MTHFD1L: variants seen among roughly 807,000 people sequenced by gnomAD.
MTHFD1L encodes the protein methylenetetrahydrofolate dehydrogenase (NADP+ dependent) 1 like.
MTHFD1L carries 81 observed loss-of-function variants against 119.5 expected under a neutral mutation model. The ratio of observed to expected loss-of-function variants is 0.68; its 90% CI spans 0.57 to 0.82. The LOEUF is 0.82. MTHFD1L is among the 40% of genes least tolerant of loss of function. The pLI is 0.00. For missense variants in MTHFD1L, 1,125 were observed against 1,253.4 expected (o/e 0.90, Z 1.55); for synonymous variants, 430 against 475.2 (o/e 0.90, Z 1.24).
rs897169163 is a variant in MTHFD1L, at chr6:151,069,227, G to A, written c.2848-23240G>A. On this transcript the variant is annotated intron_variant, in intron 26 of 27. Coordinates refer to ENST00000367321, the MANE Select transcript of MTHFD1L (RefSeq NM_015440.5). Reference sequence around the variant, plus strand: ...CATTCCAAAGTGACCACAGTCATAAGGCCCAAAACTATCTTCTCTCTCTTT... The same window carrying A: ...CATTCCAAAGTGACCACAGTCATAAAGCCCAAAACTATCTTCTCTCTCTTT... Among the ~76,000 whole-genome samples, 4 of 146,500 alleles carry A rather than the reference G, an allele frequency of 2.7e-5. No homozygotes were observed. In the Admixed American group the frequency reaches 2.8e-4, roughly 10 times the overall value.
chr6:151,037,319 T>G (rs1172748496), intron 26 of MTHFD1L, among the ~76,000 whole-genome samples: 1 of 152,228 alleles, frequency 6.6e-6, no homozygotes, highest in Admixed American at 6.5e-5. Context: ...TTTTAGATCA[T>G]GTGTTCAGGG....
intron 24 of MTHFD1L, among the ~76,000 whole-genome samples, chr6:151,033,777 A>T (rs1224600084): frequency 6.6e-6 from 1 of 152,204 alleles, no homozygotes; most frequent in African/African-American, 2.4e-5. Context: ...TCATGAAAAA[A>T]TACTTGTTTT....
chr6:150,978,364 AGAGG>A (rs1776947053), intron 20 of MTHFD1L, among the ~76,000 whole-genome samples: 1 of 152,168 alleles, frequency 6.6e-6, no homozygotes, highest in African/African-American at 2.4e-5. Context: ...ATCCTTATCC[AGAGG>A]TGCTTGTCAA....
chr6:151,017,750 CT>C (rs1282890468), intron 24 of MTHFD1L, among the ~76,000 whole-genome samples: 1 of 151,254 alleles, frequency 6.6e-6, no homozygotes, highest in Non-Finnish European at 1.5e-5. Context: ...CCCCTCACAG[CT>C]ATTGTAAGTA....
chr6:151,029,914 C>T (rs1785104364), intron 24 of MTHFD1L, among the ~76,000 whole-genome samples: 1 of 152,190 alleles, frequency 6.6e-6, no homozygotes, highest in Non-Finnish European at 1.5e-5. Context: ...AGAAAAATCA[C>T]ACTCTTTATT....
At chr6:151,052,131 C>A (rs76933627) in intron 26 of MTHFD1L, among the ~76,000 whole-genome samples, 1 of 152,278 alleles carries the variant, frequency 6.6e-6, no homozygotes, top group African/African-American at 2.4e-5. Context: ...GACTTCAAAC[C>A]GGCACGGCAG....
chr6:151,009,682 G>A (rs966519833), intron 20 of MTHFD1L, 137 bp from the exon 21 acceptor site: 7 of 1,016,346 alleles, frequency 6.9e-6, no homozygotes, highest in Admixed American at 2.2e-5. Context: ...TATGACAATG[G>A]GGAAATCAGT....
intron 26 of MTHFD1L, among the ~76,000 whole-genome samples, chr6:151,067,784 G>A (rs181117011): frequency 5.3e-4 from 81 of 152,316 alleles, no homozygotes; most frequent in Admixed American, 3.7e-3. Context: ...ACCCTGCCTC[G>A]CTGTATGGTT....
chr6:151,011,103 GA>G lies in MTHFD1L; in HGVS notation c.2265+1147del, dbSNP rs556792859. Among the ~76,000 whole-genome samples the G allele has an allele frequency of 1.6e-3, 246 of 152,330 alleles. 2 individuals carry two copies. Among genetic ancestry groups the G allele is most frequent in the Non-Finnish European group, 2.9e-3 (199 of 68,036 alleles). ...CCACCATGCAGAGCTGGATGTTAAT[GA>G]AGGGCAGAAGTTTTCTAAATCCAAA... On this transcript the variant is annotated intron_variant, in intron 21 of 27. Coordinates refer to ENST00000367321, the MANE Select transcript of MTHFD1L (RefSeq NM_015440.5).
intron 21 of MTHFD1L, among the ~76,000 whole-genome samples, chr6:151,011,916 G>T (rs540489530): frequency 6.7e-6 from 1 of 148,404 alleles, no homozygotes. Context: ...CAAGAGAATC[G>T]CTTGAACTTG....
intron 27 of MTHFD1L, among the ~76,000 whole-genome samples, chr6:151,097,874 A>G (rs1795019769): frequency 6.6e-6 from 1 of 152,180 alleles, no homozygotes; most frequent in Non-Finnish European, 1.5e-5. Context: ...TATATACCCC[A>G]TAAGAATATA....
intron 8 of MTHFD1L, among the ~76,000 whole-genome samples, chr6:150,910,741 A>G (rs1786745008): frequency 1.3e-5 from 2 of 152,240 alleles, no homozygotes; most frequent in African/African-American, 4.8e-5. Context: ...GTAGCTGCCA[A>G]TAAATGCTGG....
At chr6:150,951,702 T>G (rs964858725) in intron 16 of MTHFD1L, among the ~76,000 whole-genome samples, 2 of 152,202 alleles carry the variant, frequency 1.3e-5, no homozygotes, top group African/African-American at 4.8e-5. Flanking sequence ...AGCATTTTAT[T>G]GAGAAGCCTA....
chr6:150,893,791 CACA>C (rs1469252696), intron 7 of MTHFD1L, among the ~76,000 whole-genome samples: 2 of 152,204 alleles, frequency 1.3e-5, no homozygotes, highest in South Asian at 2.1e-4. Context: ...TCCAGTCCGG[CACA>C]ACATTTGTGT....
At chr6:150,953,446 T>C (rs1413058575) in intron 16 of MTHFD1L, among the ~76,000 whole-genome samples, 2 of 152,152 alleles carry the variant, frequency 1.3e-5, no homozygotes, top group African/African-American at 4.8e-5. Flanking sequence ...TCACTATATC[T>C]CTGTACAGCT....
intron 25 of MTHFD1L, among the ~76,000 whole-genome samples, chr6:151,036,583 A>T (rs1341956087): frequency 1.3e-5 from 2 of 152,218 alleles, no homozygotes; most frequent in Non-Finnish European, 2.9e-5. Context: ...CATGAGTAAG[A>T]GCCTCGTCGC....
intron 26 of MTHFD1L, among the ~76,000 whole-genome samples, chr6:151,074,540 T>C (rs1792307947): frequency 6.6e-6 from 1 of 152,194 alleles, no homozygotes; most frequent in South Asian, 2.1e-4. Context: ...CTATATGTGG[T>C]GTGGTAGTAT....
At chr6:150,888,512 A>G (rs11961847) in intron 7 of MTHFD1L, among the ~76,000 whole-genome samples, 4,259 of 152,358 alleles carry the variant, frequency 0.028, 191 homozygotes, top group African/African-American at 0.096. Flanking sequence ...TAAATCTAAT[A>G]TGCATTATGA....
At chr6:150,972,542 C>T (rs1306259648) in intron 20 of MTHFD1L, among the ~76,000 whole-genome samples, 7 of 152,136 alleles carry the variant, frequency 4.6e-5, no homozygotes, top group African/African-American at 1.7e-4. Context: ...CTCAGGAAGC[C>T]GAGGCAGGAG....
Sources: allele counts gnomAD v4.1 joint callset (sites outside exome capture counted in the v4.1 genomes callset), GRCh38; gene constraint gnomAD v4.1.1; transcripts MANE v1.5; gene names NCBI Gene and HGNC (gene_info 2026-07-23, HGNC 2026-07-21).